ATP5MK: variants seen among roughly 807,000 people sequenced by gnomAD.
ATP5MK encodes ATP synthase membrane subunit k.
In ATP5MK, 5 loss-of-function variants were observed where a neutral mutation model predicts 6.6. That is an observed-to-expected ratio of 0.76 (90% CI 0.40 to 1.60). The LOEUF (loss-of-function observed/expected upper bound fraction) is 1.60. ATP5MK is among the 40% of genes most tolerant of loss of function. The pLI is 0.02. For synonymous variants in ATP5MK, 30 were observed against 24.5 expected, an observed-to-expected ratio of 1.22 and a Z score of -0.66; for missense variants, 57 against 66.6, an observed-to-expected ratio of 0.86 and a Z score of 0.50.
intron 4 of ATP5MK, among the ~76,000 whole-genome samples, chr10:103,389,827 G>A (rs571617324): frequency 6.6e-6 from 1 of 151,828 alleles, no homozygotes; most frequent in East Asian, 2.0e-4. Context: ...TGCCTCCTGG[G>A]TTCAAGTGAT....
chr10:103,391,227 A>G (rs180677328), intron 4 of ATP5MK, among the ~76,000 whole-genome samples: 104 of 152,354 alleles, frequency 6.8e-4, no homozygotes, highest in Admixed American at 3.5e-3. Context: ...ACCCATTTAC[A>G]AAGCTGGGTA....
chr10:103,392,600 C>T, intron 2 of ATP5MK, 134 bp from the exon 3 acceptor site: 1 of 635,552 alleles, frequency 1.6e-6, no homozygotes, highest in East Asian at 2.9e-5. Flanking sequence ...CTATATCTCA[C>T]CCAACACAGT....
At chr10:103,391,821 T>C (rs1235478936) in intron 4 of ATP5MK, among the ~76,000 whole-genome samples, 1 of 152,130 alleles carries the variant, frequency 6.6e-6, no homozygotes, top group Non-Finnish European at 1.5e-5. Flanking sequence ...TTTTCTTTTT[T>C]TTGAGACACG....
At chr10:103,392,023 A>C (rs2093415977) in intron 4 of ATP5MK, among the ~76,000 whole-genome samples, 168 bp downstream of exon 4, 1 of 151,848 alleles carries the variant, frequency 6.6e-6, no homozygotes, top group South Asian at 2.1e-4. Context: ...GGCCTGCCAA[A>C]GTGCTGGGAT....
At chr10:103,391,960 C>G (rs2093415833) in intron 4 of ATP5MK, among the ~76,000 whole-genome samples, 1 of 152,146 alleles carries the variant, frequency 6.6e-6, no homozygotes, top group Non-Finnish European at 1.5e-5. Context: ...GGGGTTTCAT[C>G]ATGTTGCCCA....
rs2093416648 is a variant in ATP5MK at position 103,392,248 on chromosome 10, A to G, written c.123T>C (p.Ile41=). Residue 41 remains isoleucine (I), a synonymous_variant, in exon 4 of 5, where the codon ATT becomes ATC. Transcript: ENST00000369815. The part of the protein sequence containing the change: ...VLATYGSIAL[I]VLYFKLRSKK... ...TGGACCTTAACTTGAAATATAAGAC[A>G]ATCAATGCAATGCTTCCATATGTGG... 1 of 1,613,542 alleles carries G rather than the reference A, an allele frequency of 6.2e-7. No homozygotes were observed. The highest frequency in any genetic ancestry group is 8.5e-7 in the Non-Finnish European group (1 of 1,179,874).
At chr10:103,396,056 G>A (rs2093433075) in intron 1 of ATP5MK, 24 bp from the exon 2 acceptor site, 1 of 152,268 alleles carries the variant, frequency 6.6e-6, no homozygotes, top group African/African-American at 2.4e-5. Context: ...GAAGAAAAGA[G>A]GTTAATTCGG....
intron 4 of ATP5MK, among the ~76,000 whole-genome samples, chr10:103,391,454 A>C (rs1359602396): frequency 6.6e-6 from 1 of 152,274 alleles, no homozygotes; most frequent in Non-Finnish European, 1.5e-5. Context: ...ACTGGAAACC[A>C]AACAAAATAC....
intron 4 of ATP5MK, among the ~76,000 whole-genome samples, chr10:103,390,912 G>A (rs1185349931): frequency 2.0e-5 from 3 of 152,164 alleles, no homozygotes; most frequent in Non-Finnish European, 2.9e-5. Flanking sequence ...GGGGTTGGAG[G>A]ATTATAAGAA....
Position 103,392,150 on chromosome 10 carries a change from A to G in ATP5MK, c.*3+41T>C, listed in dbSNP as rs774885673. 3 of 1,544,690 alleles carry G rather than the reference A, an allele frequency of 1.9e-6. No homozygotes were observed. In the African/African-American group the frequency reaches 4.2e-5, roughly 21 times the overall value. ...AATGTTAGGGAAAAATCCTAACATCAAAATGGCTAAATTATAAAGGTTTAA... is the reference window on the plus strand; with the variant it reads ...AATGTTAGGGAAAAATCCTAACATCGAAATGGCTAAATTATAAAGGTTTAA... On this transcript the variant is annotated intron_variant, in intron 4 of 4. Transcript: ENST00000369815.
At chr10:103,390,308 A>G (rs1031326501) in intron 4 of ATP5MK, among the ~76,000 whole-genome samples, 3 of 152,052 alleles carry the variant, frequency 2.0e-5, no homozygotes, top group African/African-American at 4.8e-5. Context: ...CCTGGGCAAC[A>G]TCACAAAACC....
At chr10:103,389,345 CAG>C in intron 4 of ATP5MK, among the ~76,000 whole-genome samples, 179 bp from the exon 5 acceptor site, 1 of 151,466 alleles carries the variant, frequency 6.6e-6, no homozygotes, top group Admixed American at 6.6e-5. Context: ...TTTTTTGAGA[CAG>C]AGTTCGCTCT....
chr10:103,389,784 T>C (rs531231004), intron 4 of ATP5MK, among the ~76,000 whole-genome samples: 2 of 151,868 alleles, frequency 1.3e-5, no homozygotes, highest in East Asian at 1.9e-4. Flanking sequence ...CAGGATGGAG[T>C]GTAGCAGCGC....
chr10:103,390,773 A>G (rs1022705652), intron 4 of ATP5MK, among the ~76,000 whole-genome samples: 3 of 152,018 alleles, frequency 2.0e-5, no homozygotes, highest in South Asian at 4.1e-4. Flanking sequence ...CTGGGCAACA[A>G]GAGTCAAACT....
chr10:103,396,049 G>C lies in ATP5MK; in HGVS notation c.-296-17C>G, dbSNP rs1336065281. 1 of 152,300 alleles carries C rather than the reference G, an allele frequency of 6.6e-6. No individual in the cohort carries two copies. The highest frequency in any genetic ancestry group is 1.5e-5 in the Non-Finnish European group (1 of 68,084). The allele number at this position is 152,300 out of a possible 1,614,324, so 9.4% of individuals were successfully genotyped here. On this transcript the variant is annotated splice_polypyrimidine_tract_variant and intron_variant, in intron 1 of 4. Transcript: ENST00000369815. ...AACAAACAGCTATGGACATACAGAA[G>C]AAAAGAGGTTAATTCGGCCGGTGAT...
chr10:103,395,400 C>A (rs1312456253), intron 2 of ATP5MK, among the ~76,000 whole-genome samples: 1 of 152,218 alleles, frequency 6.6e-6, no homozygotes, highest in South Asian at 2.1e-4. Context: ...CGGGGTCAAG[C>A]GGTTCTCCTG....
In ATP5MK at chr10:103,392,374, C is replaced by A. The variant is rs753216612; in HGVS notation, c.84G>T (p.Met28Ile). The change falls in exon 3 of 5, where the codon ATG (methionine) becomes ATT (isoleucine). Residue 28 changes from methionine to isoleucine, a missense_variant. By Grantham distance (10) the Met-to-Ile change is conservative. Transcript: ENST00000369815. ...YFNSYTLTGR[M>I]NCVLATYGSI... ...GCTTAAAGTTATCAATACTTACGTT[C>A]ATTCTACCTGTGAGAGTATAAGAGT... is the stretch of plus-strand genomic sequence containing the variant. 24 of 1,601,112 alleles carry A rather than the reference C, an allele frequency of 1.5e-5. No homozygotes were observed. The highest frequency in any genetic ancestry group is 1.4e-5 in the Non-Finnish European group (16 of 1,175,330).
intron 2 of ATP5MK, chr10:103,394,369 A>G (rs780015174): frequency 1.9e-6 from 1 of 528,598 alleles, no homozygotes; most frequent in Non-Finnish European, 3.9e-6. Context: ...CGAGATTGGT[A>G]GGCAGTGACA....
At chr10:103,389,800 C>T (rs1052797867) in intron 4 of ATP5MK, among the ~76,000 whole-genome samples, 7 of 152,006 alleles carry the variant, frequency 4.6e-5, no homozygotes, top group African/African-American at 7.2e-5. Context: ...AGCGCAATCT[C>T]GGCTCACTGC....
Sources: gnomAD v4.1 joint callset for allele counts (sites outside exome capture counted in the v4.1 genomes callset) on GRCh38, gnomAD v4.1.1 for gene constraint, MANE v1.5 for transcripts, NCBI Gene and HGNC (gene_info 2026-07-23, HGNC 2026-07-21) for gene names.